Variants in ZNF469 observed in about 807,000 individuals in gnomAD.
The protein encoded by ZNF469 is zinc finger protein 469.
In ZNF469, 1 loss-of-function variant was observed where a neutral mutation model predicts 1.0. The observed-to-expected ratio is 1.00, with a 90% CI of 0.35 to 4.73. The LOEUF (loss-of-function observed/expected upper bound fraction) is 4.73, where lower values mean the gene tolerates loss of function less well. ZNF469 is among the 30% of genes most tolerant of loss of function. The pLI is 0.16. For missense variants in ZNF469, 6,100 were observed against 5,356.3 expected (o/e 1.14, Z -4.33); for synonymous variants, 2,703 against 2,363.4 (o/e 1.14, Z -4.17).
intron 1 of ZNF469, among the ~76,000 whole-genome samples, chr16:88,422,898 G>GGACA (rs1418773308): frequency 6.3e-4 from 19 of 30,036 alleles, no homozygotes; most frequent in African/African-American, 1.0e-3. Context: ...ATGGATGGAC[G>GGACA]GACAGACGGA....
the ZNF469 span, among the ~76,000 whole-genome samples, chr16:88,332,720 G>A: frequency 2.0e-5 from 3 of 152,174 alleles, no homozygotes; most frequent in African/African-American, 7.2e-5. Context: ...GATGGGGGAG[G>A]GGGGGCTGCT....
At chr16:88,412,934 G>A (rs563390418) in intron 1 of ZNF469, among the ~76,000 whole-genome samples, 3 of 152,220 alleles carry the variant, frequency 2.0e-5, no homozygotes, top group South Asian at 2.1e-4. Flanking sequence ...AGCCACAGCC[G>A]GGGCCCGGGC....
At chr16:88,389,517 CT>C (rs1369720528) in intron 1 of ZNF469, among the ~76,000 whole-genome samples, 2 of 152,248 alleles carry the variant, frequency 1.3e-5, no homozygotes, top group Non-Finnish European at 2.9e-5. Context: ...TCCTGGGCAG[CT>C]TCCTGGGGAT....
chr16:88,275,868 C>A, the ZNF469 span, among the ~76,000 whole-genome samples: 1 of 152,154 alleles, frequency 6.6e-6, no homozygotes, highest in African/African-American at 2.4e-5. Flanking sequence ...GAAGGTGTCT[C>A]CCCAGCCCCT....
chr16:88,432,055 C>A lies in ZNF469; in HGVS notation c.4585C>A (p.Pro1529Thr). 3 of 1,550,552 alleles carry A rather than the reference C, an allele frequency of 1.9e-6. No homozygotes were observed. The highest frequency in any genetic ancestry group is 4.9e-5 in the East Asian group (2 of 40,916). The change falls in exon 3 of 3, where the codon CCC becomes ACC. Residue 1529 changes from proline to threonine, a missense_variant. Transcript: ENST00000565624. ...SGGKVLSKTC[P>T]PERTVVPGAA... is the part of the protein sequence containing the mutation. ...GGGAAAGGTGCTCAGTAAGACGTGT[C>A]CCCCTGAACGGACAGTGGTTCCCGG...
the ZNF469 span, among the ~76,000 whole-genome samples, chr16:88,171,136 G>C: frequency 6.6e-6 from 1 of 152,240 alleles, no homozygotes; most frequent in Admixed American, 6.5e-5. Context: ...CATTTAGCAA[G>C]GTAGGCATTT....
the ZNF469 span, among the ~76,000 whole-genome samples, chr16:88,216,694 G>T: frequency 6.6e-6 from 1 of 152,142 alleles, no homozygotes; most frequent in Non-Finnish European, 1.5e-5. Flanking sequence ...GATTGAAAGG[G>T]TTTTGGAAGC....
chr16:88,116,419 G>T, the ZNF469 span, among the ~76,000 whole-genome samples: 1 of 152,194 alleles, frequency 6.6e-6, no homozygotes, highest in Admixed American at 6.5e-5. Context: ...AATGCAAATG[G>T]CATGGCCACT....
intron 1 of ZNF469, among the ~76,000 whole-genome samples, chr16:88,405,564 G>T (rs1213374274): frequency 6.6e-6 from 1 of 152,210 alleles, no homozygotes; most frequent in Admixed American, 6.5e-5. Flanking sequence ...ACTCCAGTGG[G>T]AAGGGCTGGG....
the ZNF469 span, among the ~76,000 whole-genome samples, chr16:88,121,929 T>C: frequency 2.0e-5 from 3 of 152,208 alleles, no homozygotes; most frequent in Admixed American, 2.0e-4. Flanking sequence ...CTCATCAAAG[T>C]GATTCCTCTT....
the ZNF469 span, among the ~76,000 whole-genome samples, chr16:88,202,757 C>G: frequency 6.6e-6 from 1 of 152,154 alleles, no homozygotes; most frequent in Non-Finnish European, 1.5e-5. Flanking sequence ...CTGCATCTCT[C>G]GAGTCTGCTC....
chr16:88,434,875 C>G lies in ZNF469; in HGVS notation c.7405C>G (p.His2469Asp). 4 of 1,550,376 alleles carry G rather than the reference C, an allele frequency of 2.6e-6. No homozygotes were observed. The highest frequency in any genetic ancestry group is 3.5e-6 in the Non-Finnish European group (4 of 1,146,996). Residue 2469 changes from histidine (H) to aspartate (D), a missense_variant, in exon 3 of 3, where the codon CAT becomes GAT. Coordinates refer to ENST00000565624, the MANE Select transcript of ZNF469 (RefSeq NM_001367624.2). ...CGGCCAGTGGAAGGGCCAAGCTCCACATGGGCCTGTGACCTGTGAGGTCTG... is the reference window on the plus strand; with the variant it reads ...CGGCCAGTGGAAGGGCCAAGCTCCAGATGGGCCTGTGACCTGTGAGGTCTG... ...ENGQWKGQAP[H>D]GPVTCEVCAA...
At chr16:88,246,173 G>T in the ZNF469 span, among the ~76,000 whole-genome samples, 1 of 152,244 alleles carries the variant, frequency 6.6e-6, no homozygotes, top group Non-Finnish European at 1.5e-5. Context: ...GCTCCGCCTT[G>T]CCCATGTTCA....
At chr16:88,360,450 G>T in the ZNF469 span, among the ~76,000 whole-genome samples, 1 of 152,066 alleles carries the variant, frequency 6.6e-6, no homozygotes, top group African/African-American at 2.4e-5. Flanking sequence ...GTCAGCGCCC[G>T]CATGCTCCCC....
the ZNF469 span, among the ~76,000 whole-genome samples, chr16:88,137,125 T>G: frequency 6.6e-6 from 1 of 152,226 alleles, no homozygotes; most frequent in African/African-American, 2.4e-5. Flanking sequence ...TACAGCCATG[T>G]GCACATACAA....
At chr16:88,127,641 G>T in the ZNF469 span, among the ~76,000 whole-genome samples, 7 of 152,192 alleles carry the variant, frequency 4.6e-5, no homozygotes, top group Non-Finnish European at 8.8e-5. Flanking sequence ...TGCTGGAGGC[G>T]GCAGGGAGGG....
At chr16:88,130,535 G>GTCTCTACT in the ZNF469 span, among the ~76,000 whole-genome samples, 5 of 151,866 alleles carry the variant, frequency 3.3e-5, no homozygotes, top group African/African-American at 1.2e-4. Context: ...GTGAAACCCC[G>GTCTCTACT]TCTCTACTAA....
chr16:88,195,561 C>T, the ZNF469 span, among the ~76,000 whole-genome samples: 422 of 152,266 alleles, frequency 2.8e-3, 4 homozygotes, highest in African/African-American at 9.5e-3. Context: ...AGAGTTGATT[C>T]TGAAAGTTGG....
the ZNF469 span, among the ~76,000 whole-genome samples, chr16:88,129,680 C>G: frequency 1.3e-5 from 2 of 152,238 alleles, no homozygotes; most frequent in South Asian, 4.1e-4. Flanking sequence ...ATGGGAGACC[C>G]CATCCCTACT....
Sources: gnomAD v4.1 joint callset for allele counts (sites outside exome capture counted in the v4.1 genomes callset) on GRCh38, gnomAD v4.1.1 for gene constraint, MANE v1.5 for transcripts, NCBI Gene and HGNC (gene_info 2026-07-23, HGNC 2026-07-21) for gene names.